The following USH2A variants were observed in gnomAD, a reference collection of about 807,000 sequenced individuals.
USH2A encodes Usher syndrome 2A (autosomal recessive, mild).
Under a neutral mutation model 538.9 loss-of-function variants are expected in USH2A, and 443 were observed. The observed-to-expected ratio is 0.82, with a 90% confidence interval of 0.76 to 0.89. The LOEUF (loss-of-function observed/expected upper bound fraction) is 0.89. USH2A is among the 40% of genes least tolerant of loss of function. USH2A has a pLI of 0.00. For missense variants in USH2A, 6,633 were observed against 6,324.8 expected (o/e 1.05, Z -1.65); for synonymous variants, 2,413 against 2,273.5 (o/e 1.06, Z -1.75).
intron 32 of USH2A, among the ~76,000 whole-genome samples, chr1:216,011,190 C>T (rs563637840): frequency 8.5e-5 from 13 of 152,228 alleles, no homozygotes; most frequent in Middle Eastern, 3.4e-3. Flanking sequence ...GTGCCAAACC[C>T]GTATACTCTC....
chr1:215,680,504 G>T, intron 61 of USH2A, 128 bp from the exon 62 acceptor site: 1 of 829,122 alleles, frequency 1.2e-6, no homozygotes. Context: ...CTACAGCAGA[G>T]TTTTGAATTA....
chr1:215,665,948 T>C (rs1381100228), intron 64 of USH2A, among the ~76,000 whole-genome samples: 1 of 152,230 alleles, frequency 6.6e-6, no homozygotes, highest in Non-Finnish European at 1.5e-5. Flanking sequence ...GTAAACTAAG[T>C]TGCATTTGAA....
At chr1:215,830,655 G>A (rs1041769700) in intron 47 of USH2A, among the ~76,000 whole-genome samples, 8 of 152,178 alleles carry the variant, frequency 5.3e-5, no homozygotes, top group African/African-American at 1.7e-4. Context: ...ATGAATGAAC[G>A]AACGCAAGTC....
intron 47 of USH2A, among the ~76,000 whole-genome samples, chr1:215,830,904 T>G (rs1663295662): frequency 6.6e-6 from 1 of 152,182 alleles, no homozygotes; most frequent in Non-Finnish European, 1.5e-5. Flanking sequence ...AGTCTGAAGC[T>G]AACCAGTTGG....
intron 3 of USH2A, among the ~76,000 whole-genome samples, chr1:216,385,053 C>G (rs1270826702): frequency 2.0e-5 from 3 of 152,012 alleles, no homozygotes; most frequent in African/African-American, 2.4e-5. Flanking sequence ...GCTGGGGTAT[C>G]CAAGGTGTCA....
chr1:215,976,321 G>C (rs1026484819), intron 35 of USH2A, among the ~76,000 whole-genome samples: 8 of 152,102 alleles, frequency 5.3e-5, no homozygotes, highest in African/African-American at 1.9e-4. Flanking sequence ...GTGCCTGATT[G>C]CTCTGGCAAG....
At chr1:216,250,661 G>T (rs537273194) in intron 12 of USH2A, among the ~76,000 whole-genome samples, 48 of 152,252 alleles carry the variant, frequency 3.2e-4, no homozygotes, top group African/African-American at 1.1e-3. Context: ...GGGACCATGG[G>T]AATTAATGCA....
chr1:216,098,106 C>T (rs1170459059), intron 21 of USH2A, among the ~76,000 whole-genome samples: 2 of 151,562 alleles, frequency 1.3e-5, no homozygotes, highest in Non-Finnish European at 2.9e-5. Flanking sequence ...TGATGCCTTC[C>T]CCCTACCATT....
chr1:215,954,793 C>T (rs564930871), intron 37 of USH2A, among the ~76,000 whole-genome samples: 1 of 151,992 alleles, frequency 6.6e-6, no homozygotes, highest in African/African-American at 2.4e-5. Flanking sequence ...TGCCAAAGTC[C>T]TTAAAACAGT....
chr1:216,073,081 A>G lies in USH2A; in HGVS notation c.5776+16T>C. 1 of 1,613,822 alleles carries G rather than the reference A, an allele frequency of 6.2e-7. No homozygotes were observed. Among genetic ancestry groups the G allele is most frequent in the Non-Finnish European group, 8.5e-7 (1 of 1,179,908 alleles). On this transcript the variant is annotated intron_variant, in intron 28 of 71. Transcript: ENST00000307340. ...AAGAGACATGTAACATTTAATTTAG[A>G]GGACCTCCACATTACCTGTAAAAGG...
chr1:216,200,663 T>G (rs2034967170), intron 16 of USH2A, among the ~76,000 whole-genome samples: 1 of 152,168 alleles, frequency 6.6e-6, no homozygotes, highest in African/African-American at 2.4e-5. Flanking sequence ...CAACAGAAGT[T>G]TTAGATAAGC....
At chr1:215,682,714 A>G (rs1378914238) in intron 61 of USH2A, among the ~76,000 whole-genome samples, 6 of 151,172 alleles carry the variant, frequency 4.0e-5, no homozygotes, top group Admixed American at 1.3e-4. Flanking sequence ...ACAAAGGGTC[A>G]TTACAACAGT....
intron 11 of USH2A, among the ~76,000 whole-genome samples, chr1:216,276,444 G>C (rs769979289): frequency 1.3e-5 from 2 of 152,130 alleles, no homozygotes; most frequent in Non-Finnish European, 2.9e-5. Context: ...TCCAGTCCAG[G>C]AGAATAATAG....
intron 30 of USH2A, among the ~76,000 whole-genome samples, chr1:216,069,390 G>C (rs2031484335): frequency 6.6e-6 from 1 of 152,048 alleles, no homozygotes; most frequent in South Asian, 2.1e-4. Context: ...CCATTCTGAT[G>C]GTTCACGTTA....
rs780574336 is a variant in USH2A, at chr1:216,198,482, G to A, written c.3914C>T (p.Pro1305Leu). ...RVFQSSGWLS[P>L]HSFVESANEN... Reference sequence around the variant, plus strand: ...ATTGGCCGATTCTACAAATGAATGAGGACTGAGCCAACCACTGCTCTGAAA... The same window carrying A: ...ATTGGCCGATTCTACAAATGAATGAAGACTGAGCCAACCACTGCTCTGAAA... Residue 1305 changes from proline (P) to leucine (L), a missense_variant, in exon 18 of 72, where the codon CCT becomes CTT. By Grantham distance (98) the Pro-to-Leu change is moderately conservative (BLOSUM62 -3). Coordinates refer to ENST00000307340, the MANE Select transcript of USH2A (RefSeq NM_206933.4). 7 of 1,613,856 alleles carry A rather than the reference G, an allele frequency of 4.3e-6. No individual in the cohort carries two copies. Among genetic ancestry groups the A allele is most frequent in the Admixed American group, 1.7e-5 (1 of 59,976 alleles).
chr1:216,150,121 C>T (rs995558756), intron 21 of USH2A, among the ~76,000 whole-genome samples: 2 of 152,118 alleles, frequency 1.3e-5, no homozygotes, highest in Admixed American at 6.5e-5. Context: ...AAAAACTAGT[C>T]ATCCCTACTA....
intron 36 of USH2A, among the ~76,000 whole-genome samples, chr1:215,966,086 C>A (rs963642937): frequency 2.6e-5 from 4 of 152,088 alleles, no homozygotes; most frequent in Non-Finnish European, 4.4e-5. Context: ...ATCCTAGGGA[C>A]TCTATCCCTA....
At chr1:216,293,993 A>G (rs966130387) in intron 9 of USH2A, among the ~76,000 whole-genome samples, 1 of 152,230 alleles carries the variant, frequency 6.6e-6, no homozygotes, top group African/African-American at 2.4e-5. Context: ...GATAACTGAT[A>G]TTCATGCATA....
intron 69 of USH2A, among the ~76,000 whole-genome samples, chr1:215,638,517 G>A (rs975559024): frequency 4.0e-5 from 6 of 150,956 alleles, no homozygotes; most frequent in Non-Finnish European, 8.9e-5. Context: ...CTACTCAGGA[G>A]GCTGAGGCAG....
Sources: gnomAD v4.1 joint callset for allele counts (sites outside exome capture counted in the v4.1 genomes callset) on GRCh38, gnomAD v4.1.1 for gene constraint, MANE v1.5 for transcripts, NCBI Gene and HGNC (gene_info 2026-07-23, HGNC 2026-07-21) for gene names.